The following ZNF503 variants were observed in gnomAD, a reference collection of about 807,000 sequenced individuals.
ZNF503 encodes NocA-like zinc finger 2.
ZNF503 carries 15 observed loss-of-function variants against 34.4 expected under a neutral mutation model. The ratio of observed to expected loss-of-function variants is 0.44; its 90% CI spans 0.29 to 0.67. The LOEUF is 0.67. ZNF503 is among the 30% of genes least tolerant of loss of function. ZNF503 has a pLI of 0.13. For missense variants in ZNF503, 1,007 were observed against 926.8 expected, an observed-to-expected ratio of 1.09 and a Z score of -1.12; for synonymous variants, 580 against 456.8, an observed-to-expected ratio of 1.27 and a Z score of -3.44.
At chr10:75,320,089 GTAT>G in the ZNF503 span, among the ~76,000 whole-genome samples, 1 of 152,266 alleles carries the variant, frequency 6.6e-6, no homozygotes, top group South Asian at 2.1e-4. Context: ...CATGAGGCTG[GTAT>G]TATCCTGTTA....
At chr10:75,365,418 T>C in the ZNF503 span, among the ~76,000 whole-genome samples, 3 of 152,232 alleles carry the variant, frequency 2.0e-5, no homozygotes, top group Non-Finnish European at 4.4e-5. Flanking sequence ...AGTGCTGGGA[T>C]TACAGGCGTG....
chr10:75,285,102 A>C, the ZNF503 span, among the ~76,000 whole-genome samples: 5 of 152,252 alleles, frequency 3.3e-5, no homozygotes, highest in Admixed American at 3.3e-4. Flanking sequence ...ACTTATCAAC[A>C]TAACTAACAT....
chr10:75,392,044 T>C, the ZNF503 span, among the ~76,000 whole-genome samples: 1 of 152,184 alleles, frequency 6.6e-6, no homozygotes, highest in Non-Finnish European at 1.5e-5. Flanking sequence ...GTAGAACTTT[T>C]GTGTTGCTGG....
At chr10:75,394,534 C>T (rs760718359), downstream of ZNF503, among the ~76,000 whole-genome samples, 2 of 152,220 alleles carry the variant, frequency 1.3e-5, no homozygotes, top group African/African-American at 2.4e-5. Context: ...GTGTGCTAAC[C>T]GATTGCGCTG....
chr10:75,372,416 C>T, the ZNF503 span, among the ~76,000 whole-genome samples: 32 of 152,282 alleles, frequency 2.1e-4, no homozygotes, highest in Non-Finnish European at 4.3e-4. Context: ...TGATTGGGCT[C>T]GTCTACTCCA....
At chr10:75,367,684 ATGT>A in the ZNF503 span, among the ~76,000 whole-genome samples, 2 of 152,218 alleles carry the variant, frequency 1.3e-5, no homozygotes, top group Non-Finnish European at 1.5e-5. Context: ...ATAATATATA[ATGT>A]TGTAGTAAAA....
chr10:75,304,357 C>T, the ZNF503 span, among the ~76,000 whole-genome samples: 2 of 152,172 alleles, frequency 1.3e-5, no homozygotes, highest in South Asian at 2.1e-4. Flanking sequence ...AAAGCAGGCC[C>T]AGTGAGACTC....
chr10:75,387,397 A>G, the ZNF503 span, among the ~76,000 whole-genome samples: 5 of 152,314 alleles, frequency 3.3e-5, no homozygotes, highest in South Asian at 1.0e-3. Flanking sequence ...TCTGAGTCTC[A>G]GTTTTCTCTT....
chr10:75,394,692 G>A (rs1262774198), downstream of ZNF503, among the ~76,000 whole-genome samples: 1 of 152,212 alleles, frequency 6.6e-6, no homozygotes, highest in Admixed American at 6.5e-5. Context: ...TGTGCCACAC[G>A]TGACCAGGTG....
the ZNF503 span, among the ~76,000 whole-genome samples, chr10:75,317,458 T>G: frequency 5.3e-5 from 8 of 149,884 alleles, no homozygotes; most frequent in African/African-American, 2.0e-4. Flanking sequence ...TTTTTTTTTT[T>G]GTACTTTTAG....
the ZNF503 span, among the ~76,000 whole-genome samples, chr10:75,372,812 G>T: frequency 6.6e-6 from 1 of 152,158 alleles, no homozygotes; most frequent in African/African-American, 2.4e-5. Flanking sequence ...CCCTCTTTGG[G>T]TCCCCATGGC....
chr10:75,280,553 T>TGA, the ZNF503 span, among the ~76,000 whole-genome samples: 1 of 122,508 alleles, frequency 8.2e-6, no homozygotes, highest in Non-Finnish European at 1.6e-5. Flanking sequence ...GGGGTGTGTA[T>TGA]GCGTGTGTGT....
At chr10:75,314,709 C>T in the ZNF503 span, among the ~76,000 whole-genome samples, 1 of 152,146 alleles carries the variant, frequency 6.6e-6, no homozygotes, top group Non-Finnish European at 1.5e-5. Context: ...GAGCATCTAC[C>T]AGCAGATTTC....
At position 75,401,645 on chromosome 10, in the gene ZNF503, C is replaced by G; in HGVS notation, c.-226G>C. 1 of 536,242 alleles carries G rather than the reference C, an allele frequency of 1.9e-6. No homozygotes were observed. The highest frequency in any genetic ancestry group is 3.2e-6 in the Non-Finnish European group (1 of 314,314). 33.2% of individuals were successfully genotyped at this position (536,242 alleles called of 1,614,324 possible). A position where few individuals can be genotyped will look rare whatever the true frequency, so the allele number is the denominator to read the frequency against. Reference sequence around the variant, plus strand: ...CGGGCTAGAGGAGCCGGCTGGACTGCGGGAGTGCCGGGCGGCTCGCGGTGT... The same window carrying G: ...CGGGCTAGAGGAGCCGGCTGGACTGGGGGAGTGCCGGGCGGCTCGCGGTGT... On this transcript the variant is annotated 5_prime_UTR_variant, in exon 1 of 2. Coordinates refer to ENST00000372524, the MANE Select transcript of ZNF503 (RefSeq NM_032772.6).
the ZNF503 span, among the ~76,000 whole-genome samples, chr10:75,367,757 G>C: frequency 2.0e-5 from 3 of 152,170 alleles, no homozygotes; most frequent in Non-Finnish European, 4.4e-5. Flanking sequence ...TGTTCAAACT[G>C]GGTCACCTAC....
chr10:75,343,669 C>T, the ZNF503 span, among the ~76,000 whole-genome samples: 1 of 152,228 alleles, frequency 6.6e-6, no homozygotes, highest in African/African-American at 2.4e-5. Context: ...TGCCCAGTGA[C>T]TCCAGGTCCT....
chr10:75,331,835 A>G, the ZNF503 span, among the ~76,000 whole-genome samples: 1 of 152,214 alleles, frequency 6.6e-6, no homozygotes, highest in South Asian at 2.1e-4. Flanking sequence ...TTTGCTTGAT[A>G]TAGCAGGTGC....
chr10:75,399,968 A>G lies in ZNF503; in HGVS notation c.722T>C (p.Met241Thr), dbSNP rs962341362. Residue 241 changes from methionine (M) to threonine (T), a missense_variant, in exon 2 of 2, where the codon ATG becomes ACG. Met to Thr is a moderately conservative substitution (Grantham distance 81, BLOSUM62 -1). Transcript: ENST00000372524. ...CGGGGCACCCCCGGCCGAGGACAGC[A>G]TACCTCCCGGCGAGCAGGCCGAGGC... ...SSASACSPGG[M>T]LSSAGGAPEG... 1.9e-6 allele frequency: 3 copies of G among 1,606,282 alleles called. No individual in the cohort carries two copies. The highest frequency in any genetic ancestry group is 1.7e-5 in the Admixed American group (1 of 59,922).
chr10:75,347,815 C>A, the ZNF503 span, among the ~76,000 whole-genome samples: 1 of 152,210 alleles, frequency 6.6e-6, no homozygotes, highest in Non-Finnish European at 1.5e-5. Flanking sequence ...AATAGGACAT[C>A]CTGGAAGTCC....
Sources: gnomAD v4.1 joint callset for allele counts (sites outside exome capture counted in the v4.1 genomes callset) on GRCh38, gnomAD v4.1.1 for gene constraint, MANE v1.5 for transcripts, NCBI Gene and HGNC (gene_info 2026-07-23, HGNC 2026-07-21) for gene names.